Variants in AOAH observed in about 807,000 individuals in gnomAD.
AOAH encodes acyloxyacyl hydrolase (neutrophil).
Under a neutral mutation model 92.2 loss-of-function variants are expected in AOAH, and 64 were observed. The ratio of observed to expected loss-of-function variants is 0.69; its 90% confidence interval spans 0.57 to 0.86. AOAH has a LOEUF of 0.86. AOAH is among the 40% of genes least tolerant of loss of function. AOAH has a pLI of 0.00. For missense variants in AOAH, 656 were observed against 694.6 expected (o/e 0.94, Z 0.62); for synonymous variants, 263 against 254.5 (o/e 1.03, Z -0.32).
intron 1 of AOAH, among the ~76,000 whole-genome samples, chr7:36,690,735 A>G (rs1226942632): frequency 5.3e-5 from 8 of 152,176 alleles, no homozygotes; most frequent in South Asian, 2.1e-4. Flanking sequence ...AATCTCACAT[A>G]TGGAAAATCT....
At chr7:36,658,983 A>G (rs1004963266) in intron 4 of AOAH, among the ~76,000 whole-genome samples, 183 bp downstream of exon 4, 1 of 152,230 alleles carries the variant, frequency 6.6e-6, no homozygotes, top group African/African-American at 2.4e-5. Context: ...TCTTTCTAGC[A>G]TGGTAGTATG....
chr7:36,541,295 T>G (rs555456686), intron 15 of AOAH, among the ~76,000 whole-genome samples: 1 of 152,324 alleles, frequency 6.6e-6, no homozygotes, highest in East Asian at 1.9e-4. Context: ...TTTGAATTTT[T>G]AAATTATATT....
At chr7:36,586,041 GGTCC>G (rs1490204150) in intron 12 of AOAH, among the ~76,000 whole-genome samples, 1 of 152,080 alleles carries the variant, frequency 6.6e-6, no homozygotes, top group Admixed American at 6.5e-5. Flanking sequence ...GTCTACAGAT[GGTCC>G]GTCTTGCCCA....
At chr7:36,692,668 C>A (rs1289552572) in intron 1 of AOAH, among the ~76,000 whole-genome samples, 1 of 152,124 alleles carries the variant, frequency 6.6e-6, no homozygotes, top group African/African-American at 2.4e-5. Flanking sequence ...TAGAAATATA[C>A]TAAAAATGAA....
chr7:36,625,418 T>C (rs1020073185), intron 6 of AOAH, among the ~76,000 whole-genome samples: 1 of 152,072 alleles, frequency 6.6e-6, no homozygotes, highest in African/African-American at 2.4e-5. Flanking sequence ...TCCTGCCAGC[T>C]CCCTCACAGG....
At chr7:36,715,213 T>A (rs927534391) in intron 1 of AOAH, among the ~76,000 whole-genome samples, 4 of 152,034 alleles carry the variant, frequency 2.6e-5, no homozygotes, top group African/African-American at 9.7e-5. Context: ...ATGAGTGAAC[T>A]CCCATTCACA....
At chr7:36,550,898 C>T (rs1326934494) in intron 13 of AOAH, among the ~76,000 whole-genome samples, 1 of 152,122 alleles carries the variant, frequency 6.6e-6, no homozygotes, top group African/African-American at 2.4e-5. Context: ...GTATGCTGGC[C>T]TGTGTCTCAC....
At chr7:36,609,390 T>C (rs963067142) in intron 11 of AOAH, among the ~76,000 whole-genome samples, 7 of 152,182 alleles carry the variant, frequency 4.6e-5, no homozygotes, top group Admixed American at 1.3e-4. Flanking sequence ...TTTAAAACCC[T>C]TCAATGGCTC....
rs531214124 is a variant in AOAH at position 36,523,596 on chromosome 7, C to T, written c.1523-1481G>A. Among the ~76,000 whole-genome samples, 7 of 147,772 alleles carry T rather than the reference C, an allele frequency of 4.7e-5. No individual in the cohort carries two copies. In the South Asian group the frequency reaches 1.5e-3, roughly 32 times the overall value. On this transcript the variant is annotated intron_variant, in intron 19 of 20. Transcript: ENST00000617537. ...CACAGTTTTGGGGAAGCTTGCCTGG[C>T]TCAGTCTTCAGTTTGCCTGGCCTGT...
intron 1 of AOAH, among the ~76,000 whole-genome samples, chr7:36,721,227 G>A (rs979216847): frequency 2.0e-5 from 3 of 152,130 alleles, no homozygotes; most frequent in Non-Finnish European, 4.4e-5. Context: ...AGGTCACATC[G>A]AGGGACTGTT....
At chr7:36,608,875 C>T (rs1185619497) in intron 11 of AOAH, among the ~76,000 whole-genome samples, 1 of 133,028 alleles carries the variant, frequency 7.5e-6, no homozygotes, top group Non-Finnish European at 1.5e-5. Flanking sequence ...ATATGCTCAC[C>T]ATAACTATTA....
chr7:36,519,285 T>C (rs1783988404), intron 20 of AOAH, among the ~76,000 whole-genome samples: 1 of 152,250 alleles, frequency 6.6e-6, no homozygotes, highest in Non-Finnish European at 1.5e-5. Flanking sequence ...TGAGCGCTTT[T>C]ATTTCCTCCA....
At chr7:36,530,930 G>A (rs1364698568) in intron 18 of AOAH, among the ~76,000 whole-genome samples, 1 of 152,162 alleles carries the variant, frequency 6.6e-6, no homozygotes, top group Non-Finnish European at 1.5e-5. Context: ...TTTGTCTCAA[G>A]GAAATTGAGA....
At chr7:36,677,477 T>G (rs1160871805) in intron 2 of AOAH, among the ~76,000 whole-genome samples, 2 of 152,226 alleles carry the variant, frequency 1.3e-5, no homozygotes, top group East Asian at 3.8e-4. Flanking sequence ...GCTTGTACAA[T>G]GCTGATGGCA....
intron 11 of AOAH, among the ~76,000 whole-genome samples, chr7:36,600,630 A>T (rs1338692418): frequency 6.6e-6 from 1 of 152,132 alleles, no homozygotes; most frequent in Non-Finnish European, 1.5e-5. Flanking sequence ...TGGTGGAACA[A>T]GAAAGGGAGA....
chr7:36,607,245 C>A (rs148512975), intron 11 of AOAH, among the ~76,000 whole-genome samples: 10 of 152,288 alleles, frequency 6.6e-5, no homozygotes, highest in Non-Finnish European at 1.5e-4. Context: ...TATCAACTAG[C>A]CTCATAGAAG....
chr7:36,701,331 C>T (rs1431030610), intron 1 of AOAH, among the ~76,000 whole-genome samples: 1 of 151,796 alleles, frequency 6.6e-6, no homozygotes, highest in East Asian at 1.9e-4. Flanking sequence ...TGTATCTTTA[C>T]ATACTTTTTG....
intron 3 of AOAH, among the ~76,000 whole-genome samples, chr7:36,669,024 G>A (rs1795737093): frequency 6.6e-6 from 1 of 152,178 alleles, no homozygotes; most frequent in Admixed American, 6.5e-5. Flanking sequence ...GCTTGAATTA[G>A]AATCATGGTA....
At chr7:36,634,829 A>G (rs1793408520) in intron 5 of AOAH, among the ~76,000 whole-genome samples, 1 of 152,250 alleles carries the variant, frequency 6.6e-6, no homozygotes, top group African/African-American at 2.4e-5. Context: ...GAACAGTTTT[A>G]TAATTACTAG....
Sources: gnomAD v4.1 joint callset for allele counts (sites outside exome capture counted in the v4.1 genomes callset) on GRCh38, gnomAD v4.1.1 for gene constraint, MANE v1.5 for transcripts, NCBI Gene and HGNC (gene_info 2026-07-23, HGNC 2026-07-21) for gene names.